ANO4: variants seen among roughly 807,000 people sequenced by gnomAD.
ANO4 encodes the protein anoctamin-4.
Under a neutral mutation model 141.9 loss-of-function variants are expected in ANO4, and 69 were observed. The ratio of observed to expected loss-of-function variants is 0.49; its 90% confidence interval spans 0.40 to 0.59. The LOEUF is 0.59. ANO4 is among the 20% of genes least tolerant of loss of function. The pLI, the probability that ANO4 is intolerant of heterozygous loss-of-function variation, is 0.00. For missense variants in ANO4, 894 were observed against 1,162.2 expected (o/e 0.77, Z 3.36); for synonymous variants, 350 against 394.3 (o/e 0.89, Z 1.33).
intron 19 of ANO4, among the ~76,000 whole-genome samples, chr12:101,096,851 C>A (rs1393773403): frequency 6.6e-6 from 1 of 152,132 alleles, no homozygotes; most frequent in Non-Finnish European, 1.5e-5. Flanking sequence ...TGTCTGTGCA[C>A]CTTTTGTTGC....
At chr12:100,935,939 A>C (rs2042268907) in intron 3 of ANO4, among the ~76,000 whole-genome samples, 1 of 152,214 alleles carries the variant, frequency 6.6e-6, no homozygotes, top group Admixed American at 6.5e-5. Context: ...TGAAGTGCAC[A>C]TACTTTTTAT....
intron 2 of ANO4, among the ~76,000 whole-genome samples, chr12:100,918,830 A>G (rs997988875): frequency 6.6e-6 from 1 of 152,146 alleles, no homozygotes; most frequent in Non-Finnish European, 1.5e-5. Flanking sequence ...TAACTTTAAG[A>G]TAGCCTCAGG....
At position 100,919,752 on chromosome 12, in the gene ANO4, C is replaced by G. The variant is rs905134197; in HGVS notation, c.56-2474C>G. Among the ~76,000 whole-genome samples, 1,109 of 148,290 alleles carry G rather than the reference C, an allele frequency of 7.5e-3. 15 individuals are homozygous for G. The highest frequency in any genetic ancestry group is 0.025 in the African/African-American group (974 of 38,806). On this transcript the variant is annotated intron_variant, in intron 2 of 27. Transcript: ENST00000392977. Reference sequence around the variant, plus strand: ...TGTATGTATGTATCTATCTATCTATCTATCTATCTATCTATCTATCTATCT... The same window carrying G: ...TGTATGTATGTATCTATCTATCTATGTATCTATCTATCTATCTATCTATCT...
At chr12:101,108,559 T>G (rs1314608408) in intron 22 of ANO4, among the ~76,000 whole-genome samples, 1 of 152,190 alleles carries the variant, frequency 6.6e-6, no homozygotes, top group Non-Finnish European at 1.5e-5. Flanking sequence ...CAATGCCTGT[T>G]TTTACATAGA....
At chr12:101,115,077 C>A (rs2050801776) in intron 24 of ANO4, among the ~76,000 whole-genome samples, 1 of 152,058 alleles carries the variant, frequency 6.6e-6, no homozygotes, top group Non-Finnish European at 1.5e-5. Flanking sequence ...AATAATCATG[C>A]CAGACTTGTT....
intron 2 of ANO4, among the ~76,000 whole-genome samples, chr12:100,737,040 G>A (rs934553384): frequency 6.6e-6 from 1 of 152,202 alleles, no homozygotes; most frequent in Non-Finnish European, 1.5e-5. Flanking sequence ...TGAAGGGGAG[G>A]TAGGTATGAC....
chr12:100,802,170 G>A (rs1163348013), intron 1 of ANO4, among the ~76,000 whole-genome samples: 1 of 152,070 alleles, frequency 6.6e-6, no homozygotes, highest in Admixed American at 6.6e-5. Flanking sequence ...AAAACCCCCT[G>A]GGTCTTTGGT....
intron 3 of ANO4, among the ~76,000 whole-genome samples, chr12:100,742,069 G>A (rs1695494467): frequency 6.6e-6 from 1 of 151,978 alleles, no homozygotes; most frequent in Non-Finnish European, 1.5e-5. Flanking sequence ...TTCATTCCTG[G>A]GGACTTTCCA....
intron 8 of ANO4, among the ~76,000 whole-genome samples, chr12:101,010,268 A>G (rs748312129): frequency 2.0e-5 from 3 of 152,152 alleles, no homozygotes; most frequent in African/African-American, 2.4e-5. Flanking sequence ...TTAATTTTCC[A>G]TCTTTACTTG....
chr12:100,943,655 G>C (rs2042602098), intron 5 of ANO4, among the ~76,000 whole-genome samples: 1 of 152,150 alleles, frequency 6.6e-6, no homozygotes, highest in East Asian at 1.9e-4. Flanking sequence ...TCTCAGGAAA[G>C]AAGAACCAGC....
At position 101,116,202 on chromosome 12, in the gene ANO4, C is replaced by T. The variant is rs150151907; in HGVS notation, c.2451-477C>T. Among the ~76,000 whole-genome samples the T allele has an allele frequency of 5.6e-3, 858 of 152,210 alleles. 9 individuals carry two copies. Among genetic ancestry groups the T allele is most frequent in the African/African-American group, 0.019 (807 of 41,534 alleles). ...ATAACAAGCAGAGGCATGAAAACATCAGAAGCTTTCAGGGAATATAGTCTA... is the reference window on the plus strand; with the variant it reads ...ATAACAAGCAGAGGCATGAAAACATTAGAAGCTTTCAGGGAATATAGTCTA... On this transcript the variant is annotated intron_variant, in intron 24 of 27. Transcript: ENST00000392977.
chr12:100,900,880 T>C (rs2040564089), intron 1 of ANO4, among the ~76,000 whole-genome samples: 1 of 152,230 alleles, frequency 6.6e-6, no homozygotes, highest in Admixed American at 6.5e-5. Flanking sequence ...GAGTAACGAA[T>C]TGGTATCTTA....
At chr12:101,127,204 C>G (rs892650377) in intron 27 of ANO4, 130 bp downstream of exon 27, 4 of 973,050 alleles carry the variant, frequency 4.1e-6, no homozygotes, top group African/African-American at 3.3e-5. Flanking sequence ...GCTTCCCAAT[C>G]CAAAAGAAGC....
chr12:100,947,092 A>G (rs1028151009), intron 5 of ANO4, among the ~76,000 whole-genome samples: 1 of 152,218 alleles, frequency 6.6e-6, no homozygotes. Context: ...AACGAATACA[A>G]ACAGTTCTTT....
chr12:101,067,963 T>C (rs2048658665), intron 14 of ANO4, among the ~76,000 whole-genome samples: 1 of 152,208 alleles, frequency 6.6e-6, no homozygotes. Context: ...TTCATAATCT[T>C]GATGGCTAAT....
intron 9 of ANO4, among the ~76,000 whole-genome samples, chr12:101,031,662 T>C (rs2046981356): frequency 6.6e-6 from 1 of 152,200 alleles, no homozygotes; most frequent in Non-Finnish European, 1.5e-5. Context: ...GCAGATGACA[T>C]GATTGTATAT....
At chr12:101,115,572 GA>G (rs2050821493) in intron 24 of ANO4, among the ~76,000 whole-genome samples, 1 of 152,154 alleles carries the variant, frequency 6.6e-6, no homozygotes, top group Non-Finnish European at 1.5e-5. Context: ...ACTATTTAAA[GA>G]AAAATGTATA....
intron 9 of ANO4, among the ~76,000 whole-genome samples, chr12:101,028,287 G>C (rs986802923): frequency 1.3e-5 from 2 of 152,154 alleles, no homozygotes; most frequent in Non-Finnish European, 2.9e-5. Context: ...CCAAATGATT[G>C]CAATGACTCT....
intron 14 of ANO4, among the ~76,000 whole-genome samples, chr12:101,052,180 A>AT (rs1313369184): frequency 1.3e-5 from 2 of 152,106 alleles, no homozygotes; most frequent in African/African-American, 4.8e-5. Flanking sequence ...GGGCCTTGGC[A>AT]TTGGGTTAGG....
Sources: gnomAD v4.1 joint callset for allele counts (sites outside exome capture counted in the v4.1 genomes callset) on GRCh38, gnomAD v4.1.1 for gene constraint, MANE v1.5 for transcripts, NCBI Gene and HGNC (gene_info 2026-07-23, HGNC 2026-07-21) for gene names.